The following KIF27 variants were observed in gnomAD, a reference collection of about 807,000 sequenced individuals.
KIF27 encodes kinesin family member 27, also known as kinesin-like protein KIF27.
KIF27 carries 84 observed loss-of-function variants against 141.8 expected under a neutral mutation model. The ratio of observed to expected loss-of-function variants is 0.59; its 90% CI spans 0.50 to 0.71. The LOEUF is 0.71. Ranked by LOEUF, KIF27 falls within the 30% of genes least tolerant of loss-of-function variation. The pLI, the probability that KIF27 is intolerant of heterozygous loss-of-function variation, is 0.00. For synonymous variants in KIF27, 471 were observed against 569.5 expected, an observed-to-expected ratio of 0.83 and a Z score of 2.46; for missense variants, 1,306 against 1,628.4, an observed-to-expected ratio of 0.80 and a Z score of 3.41.
In KIF27 at chr9:83,903,759, T is replaced by C; in HGVS notation, c.759A>G (p.Lys253=). The C allele has an allele frequency of 2.5e-6, 4 of 1,614,190 alleles. No individual in the cohort carries two copies. Among genetic ancestry groups the C allele is most frequent in the Non-Finnish European group, 3.4e-6 (4 of 1,180,020 alleles). ...VDLAGSERVT[K]TGNTGERFKE... ...TGAACCGTTCACCAGTATTCCCCGT[T>C]TTGGTTACTCTTTCTGATCCTGCCA... The change falls in exon 4 of 18, where the codon AAA becomes AAG. Residue 253 remains lysine (K), a synonymous_variant. Transcript: ENST00000297814.
chr9:83,903,671 C>T lies in KIF27; in HGVS notation c.847G>A (p.Asp283Asn), dbSNP rs771563536. The T allele has an allele frequency of 6.2e-7, 1 of 1,613,972 alleles. No individual in the cohort carries two copies. Among genetic ancestry groups the T allele is most frequent in the Non-Finnish European group, 8.5e-7 (1 of 1,180,020 alleles). The change falls in exon 4 of 18, where the codon GAC becomes AAC. Residue 283 changes from aspartate to asparagine, a missense_variant. Physicochemically the swap from Asp to Asn is conservative, Grantham distance 23. Around this residue, in one of 4 missense-constraint regions of KIF27, gnomAD observed 533 missense variants for 565.6 expected, o/e 0.94. Coordinates refer to ENST00000297814, the MANE Select transcript of KIF27 (RefSeq NM_017576.4). ...ALGNVISALG[D>N]PRRKSSHIPY... ...ATATGTGAACTCTTCCTGCGTGGGT[C>T]CCCAAGAGCGCTTATTACATTTCCT...
chr9:83,904,046 G>T (rs753009298), intron 3 of KIF27, 28 bp from the exon 4 acceptor site: 2 of 1,536,194 alleles, frequency 1.3e-6, no homozygotes, highest in Non-Finnish European at 1.8e-6. Flanking sequence ...ATGTTTTTAA[G>T]CCAAGTTTTC....
chr9:83,836,738 A>G lies in KIF27; in HGVS notation c.*263T>C. On this transcript the variant is annotated 3_prime_UTR_variant, in exon 18 of 18. Transcript: ENST00000297814. ...AGTTTTAATCTTCAAATATGCCTGGAAAAACATTTAAGCGTATTTATAAAT... is the reference window on the plus strand; with the variant it reads ...AGTTTTAATCTTCAAATATGCCTGGGAAAACATTTAAGCGTATTTATAAAT... The G allele has an allele frequency of 2.6e-6, 1 of 380,354 alleles. No individual in the cohort carries two copies. 23.6% of individuals were successfully genotyped at this position (380,354 alleles called of 1,614,324 possible). A position where few individuals can be genotyped will look rare whatever the true frequency, so the allele number is the denominator to read the frequency against.
intron 5 of KIF27, chr9:83,898,950 T>A (rs2132499281): frequency 6.6e-6 from 1 of 152,442 alleles, no homozygotes; most frequent in African/African-American, 2.4e-5. Context: ...AATGAGATCC[T>A]GTCTCAAAAC....
intron 5 of KIF27, among the ~76,000 whole-genome samples, chr9:83,895,123 A>T (rs1183712961): frequency 6.6e-6 from 1 of 151,556 alleles, no homozygotes; most frequent in Non-Finnish European, 1.5e-5. Context: ...TTAGCCAGGC[A>T]TGGCGGCGGG....
Position 83,908,586 on chromosome 9 carries a change from G to T in KIF27, c.365C>A (p.Ser122Tyr), listed in dbSNP as rs1173957621. ...RAIQEIFQSI[S>Y]EHPSIDFNVK... is the part of the protein sequence containing the mutation. Reference sequence around the variant, plus strand: ...ATTAAAGTCAATGCTAGGATGTTCAGAGATGCTTTGAAATATTTCTTGAAT... The same window carrying T: ...ATTAAAGTCAATGCTAGGATGTTCATAGATGCTTTGAAATATTTCTTGAAT... Residue 122 changes from serine to tyrosine, a missense_variant, in exon 3 of 18, where the codon TCT (serine) becomes TAT (tyrosine). Transcript: ENST00000297814. 8.1e-6 allele frequency: 13 copies of T among 1,611,674 alleles called. No homozygotes were observed. The highest frequency in any genetic ancestry group is 1.1e-5 in the Non-Finnish European group (13 of 1,178,386).
At chr9:83,911,172 T>A (rs1955121877) in intron 2 of KIF27, among the ~76,000 whole-genome samples, 1 of 152,126 alleles carries the variant, frequency 6.6e-6, no homozygotes, top group Admixed American at 6.6e-5. Context: ...GCTCAGGCGA[T>A]CCTCCCACCT....
chr9:83,845,128 G>GC (rs745541951), intron 16 of KIF27, among the ~76,000 whole-genome samples: 1 of 152,102 alleles, frequency 6.6e-6, no homozygotes, highest in Non-Finnish European at 1.5e-5. Flanking sequence ...CCTCTCCCAG[G>GC]CCCCCCATAA....
At chr9:83,913,324 G>A (rs1021638873) in intron 2 of KIF27, among the ~76,000 whole-genome samples, 7 of 151,998 alleles carry the variant, frequency 4.6e-5, no homozygotes, top group Non-Finnish European at 2.9e-5. Context: ...TCACTGGAGG[G>A]GTAAAAAGAA....
At position 83,845,932 on chromosome 9, in the gene KIF27, G is replaced by A. The variant is rs543206518; in HGVS notation, c.3557-3531C>T. 2.6e-5 allele frequency among the ~76,000 whole-genome samples: 4 copies of A among 152,326 alleles called. No homozygotes were observed. In the East Asian group the frequency reaches 7.7e-4, roughly 29 times the overall value. Reference sequence around the variant, plus strand: ...CTCACCAACGGATGACCTCAGCAGAGGAGGATTTTAATAATCAAGTGGATA... The same window carrying A: ...CTCACCAACGGATGACCTCAGCAGAAGAGGATTTTAATAATCAAGTGGATA... On this transcript the variant is annotated intron_variant, in intron 16 of 17. Transcript: ENST00000297814.
chr9:83,841,870 A>G (rs1167143458), intron 17 of KIF27, among the ~76,000 whole-genome samples: 1 of 152,194 alleles, frequency 6.6e-6, no homozygotes, highest in Non-Finnish European at 1.5e-5. Context: ...TAAAAATACA[A>G]ACTTTTACTC....
At chr9:83,891,220 TAA>T in intron 6 of KIF27, 73 bp downstream of exon 6, 1 of 1,222,044 alleles carries the variant, frequency 8.2e-7, no homozygotes, top group Non-Finnish European at 1.2e-6. Flanking sequence ...TGAGACTGTA[TAA>T]ATACACTGTG....
chr9:83,851,896 G>A (rs1435329606), intron 15 of KIF27, among the ~76,000 whole-genome samples: 11 of 152,066 alleles, frequency 7.2e-5, no homozygotes, highest in African/African-American at 1.2e-4. Context: ...TTGGGAGGCC[G>A]AGGCGGGAGG....
chr9:83,836,836 A>G lies in KIF27; in HGVS notation c.*165T>C. 9.4e-7 allele frequency: 1 copy of G among 1,066,136 alleles called. No individual in the cohort carries two copies. The highest frequency in any genetic ancestry group is 1.9e-5 in the South Asian group (1 of 53,558). 66.0% of individuals were successfully genotyped at this position (1,066,136 alleles called of 1,614,324 possible). A position where few individuals can be genotyped will look rare whatever the true frequency, so the allele number is the denominator to read the frequency against. On this transcript the variant is annotated 3_prime_UTR_variant, in exon 18 of 18. Transcript: ENST00000297814. The stretch of plus-strand genomic sequence containing the variant: ...ATATAAACTAAAACTCCCCAAATAT[A>G]TATAGAAGATGTACACATCTATAGC...
rs759739467 is a variant in KIF27 at position 83,881,648 on chromosome 9, G to A, written c.2446-1154C>T. ...ATCTCATCACAGAACAAGAACAATC[G>A]GCAGATGGACTACTTTGGGTACCAC... is the stretch of plus-strand genomic sequence containing the variant. On this transcript the variant is annotated intron_variant, in intron 10 of 17. Transcript: ENST00000297814. Among the ~76,000 whole-genome samples the A allele has an allele frequency of 1.7e-4, 26 of 152,312 alleles. No individual in the cohort carries two copies. In the South Asian group the frequency reaches 1.9e-3, roughly 11 times the overall value.
chr9:83,886,866 C>A (rs567885386), intron 9 of KIF27, among the ~76,000 whole-genome samples, 175 bp downstream of exon 9: 27 of 152,294 alleles, frequency 1.8e-4, no homozygotes, highest in African/African-American at 6.0e-4. Context: ...CCCAAAACAA[C>A]AAAATTCTTC....
In KIF27 at chr9:83,837,155, T is replaced by A. The variant is rs904928731; in HGVS notation, c.4052A>T (p.His1351Leu). Residue 1351 changes from histidine to leucine, a missense_variant, in exon 18 of 18, where the codon CAT (histidine) becomes CTT (leucine). Around this residue, in one of 4 missense-constraint regions of KIF27, gnomAD observed 148 missense variants for 250.9 expected, o/e 0.59. Coordinates refer to ENST00000297814, the MANE Select transcript of KIF27 (RefSeq NM_017576.4). The part of the protein sequence containing the change: ...IQVVGNVGRL[H>L]GVTPVKLCRK... ...ACACAGTTTTACAGGTGTGACACCA[T>A]GAAGTCGTCCCACATTTCCCACAAC... 1 of 1,614,158 alleles carries A rather than the reference T, an allele frequency of 6.2e-7. No individual in the cohort carries two copies.
intron 1 of KIF27, among the ~76,000 whole-genome samples, chr9:83,918,146 G>A (rs1955881248): frequency 6.6e-6 from 1 of 151,894 alleles, no homozygotes; most frequent in African/African-American, 2.4e-5. Flanking sequence ...ATGGTAGTAC[G>A]CACCTGTGGT....
rs1371445002 is a variant in KIF27, at chr9:83,848,352, T to C, written c.3556+1747A>G. ...ATATCTATATATATCTATGTATCTA[T>C]ATATATCTACATATATCTACATATA... is the stretch of plus-strand genomic sequence containing the variant. On this transcript the variant is annotated intron_variant, in intron 16 of 17. Transcript: ENST00000297814. Among the ~76,000 whole-genome samples, 46 of 130,002 alleles carry C rather than the reference T, an allele frequency of 3.5e-4. 1 individual carries two copies. The highest frequency in any genetic ancestry group is 1.4e-3 in the African/African-American group (45 of 32,022). 85.3% of individuals were successfully genotyped at this position (130,002 alleles called of 152,430 possible).
Sources: allele counts gnomAD v4.1 joint callset (sites outside exome capture counted in the v4.1 genomes callset), GRCh38; gene constraint gnomAD v4.1.1; regional missense constraint gnomAD v4.1.1; transcripts MANE v1.5; gene names NCBI Gene and HGNC (gene_info 2026-07-23, HGNC 2026-07-21).